The following TENM2 variants were observed in gnomAD, a reference collection of about 807,000 sequenced individuals.
TENM2 encodes the protein teneurin transmembrane protein 2.
In TENM2, 52 loss-of-function variants were observed where a neutral mutation model predicts 245.2. The ratio of observed to expected loss-of-function variants is 0.21; its 90% CI spans 0.17 to 0.27. TENM2 has a LOEUF of 0.27. TENM2 is among the 10% of genes least tolerant of loss of function. The pLI is 1.00. For missense variants in TENM2, 3,046 were observed against 3,666.8 expected (o/e 0.83, Z 4.37); for synonymous variants, 1,363 against 1,438.9 (o/e 0.95, Z 1.19).
At chr5:167,328,763 T>G (rs1757249206) in intron 1 of TENM2, among the ~76,000 whole-genome samples, 1 of 152,168 alleles carries the variant, frequency 6.6e-6, no homozygotes, top group Non-Finnish European at 1.5e-5. Context: ...AACAGTGAGG[T>G]CTTCCCTAGT....
intron 2 of TENM2, among the ~76,000 whole-genome samples, chr5:167,744,339 C>T (rs952777117): frequency 5.3e-5 from 8 of 152,214 alleles, no homozygotes; most frequent in Admixed American, 4.6e-4. Context: ...CATCTCTTAC[C>T]CACACAGTCT....
chr5:168,107,632 G>C (rs1030585892), intron 9 of TENM2, among the ~76,000 whole-genome samples: 1 of 152,104 alleles, frequency 6.6e-6, no homozygotes, highest in African/African-American at 2.4e-5. Flanking sequence ...TGATGTCCAA[G>C]GTCATCCACG....
At chr5:167,242,046 G>GTTTTTTTTTTTTTTTTT in the TENM2 span, among the ~76,000 whole-genome samples, 1 of 131,500 alleles carries the variant, frequency 7.6e-6, no homozygotes, top group African/African-American at 2.8e-5. Flanking sequence ...TTTGTTTTTT[G>GTTTTTTTTTTTTTTTTT]TTTTTTTTTT....
chr5:167,768,601 G>T (rs1329696996), intron 2 of TENM2, among the ~76,000 whole-genome samples: 1 of 152,122 alleles, frequency 6.6e-6, no homozygotes, highest in Non-Finnish European at 1.5e-5. Context: ...GTAGAGAGTG[G>T]TGGTGGGGAT....
the TENM2 span, among the ~76,000 whole-genome samples, chr5:167,223,146 A>G: frequency 2.1e-3 from 313 of 152,270 alleles, 2 homozygotes; most frequent in Middle Eastern, 6.8e-3. Context: ...AAGAGTGTCC[A>G]TCACCCAAGT....
chr5:167,085,686 G>T, the TENM2 span, among the ~76,000 whole-genome samples: 1 of 152,094 alleles, frequency 6.6e-6, no homozygotes, highest in Admixed American at 6.5e-5. Flanking sequence ...TCTTTATGAA[G>T]TTGTGTTTTA....
chr5:167,852,171 G>A (rs1480190910), intron 2 of TENM2, among the ~76,000 whole-genome samples: 1 of 152,178 alleles, frequency 6.6e-6, no homozygotes, highest in Non-Finnish European at 1.5e-5. Context: ...TTCAACGTTT[G>A]TAAGGTTTTC....
At position 167,511,504 on chromosome 5, in the gene TENM2, T is replaced by G. The variant is rs113218409; in HGVS notation, c.502+136031T>G. Among the ~76,000 whole-genome samples the G allele has an allele frequency of 4.4e-3, 677 of 152,304 alleles. 2 individuals carry two copies. The highest frequency in any genetic ancestry group is 0.015 in the African/African-American group (633 of 41,566). ...CCTACAGGATAGAAGAAATTTGCATTCTTTTGTCATACAAATAGTTGACTT... is the reference window on the plus strand; with the variant it reads ...CCTACAGGATAGAAGAAATTTGCATGCTTTTGTCATACAAATAGTTGACTT... On this transcript the variant is annotated intron_variant, in intron 2 of 28. Transcript: ENST00000518659.
chr5:167,835,030 G>C (rs1768862353), intron 2 of TENM2, among the ~76,000 whole-genome samples: 1 of 152,144 alleles, frequency 6.6e-6, no homozygotes, highest in African/African-American at 2.4e-5. Flanking sequence ...AAATATCTGG[G>C]TTCAAATCCT....
the TENM2 span, among the ~76,000 whole-genome samples, chr5:167,000,722 G>C: frequency 7.2e-5 from 11 of 152,108 alleles, no homozygotes; most frequent in African/African-American, 2.4e-4. Context: ...ACCTTGTACA[G>C]AGCTTGTTTT....
At chr5:166,986,392 A>AT in the TENM2 span, among the ~76,000 whole-genome samples, 2 of 151,890 alleles carry the variant, frequency 1.3e-5, no homozygotes, top group East Asian at 1.9e-4. Flanking sequence ...CTTATTTTGT[A>AT]TTTTTTTCCC....
intron 2 of TENM2, among the ~76,000 whole-genome samples, chr5:167,825,865 TA>T (rs201322387): frequency 0.079 from 10,573 of 133,946 alleles, 424 homozygotes; most frequent in Middle Eastern, 0.13. Context: ...TAATGATAAT[TA>T]AAAAAAAAAA....
At position 168,042,608 on chromosome 5, in the gene TENM2, G is replaced by A. The variant is rs114035455; in HGVS notation, c.1187-4819G>A. ...GTTGCTGGAGAATCCTCAGTTACTC[G>A]CAACGAACCCTGCTCCCTTTCTCGG... On this transcript the variant is annotated intron_variant, in intron 5 of 28. Transcript: ENST00000518659. Among the ~76,000 whole-genome samples the A allele has an allele frequency of 6.3e-3, 955 of 151,772 alleles. 8 individuals are homozygous for A. Among genetic ancestry groups the A allele is most frequent in the African/African-American group, 0.022 (913 of 41,362 alleles).
At chr5:167,705,981 ATATATATATATTTATTTATT>A (rs952465999) in intron 2 of TENM2, among the ~76,000 whole-genome samples, 4 of 106,606 alleles carry the variant, frequency 3.8e-5, no homozygotes, top group African/African-American at 1.7e-4. Context: ...ATATATATAT[ATATATATATATTTATTTATT>A]TATTTATTTA....
intron 2 of TENM2, among the ~76,000 whole-genome samples, chr5:167,487,042 A>G (rs1267142822): frequency 2.6e-5 from 4 of 151,694 alleles, no homozygotes; most frequent in Admixed American, 6.6e-5. Flanking sequence ...ACAGAATAAC[A>G]TATGAGATGG....
rs186016217 is a variant in TENM2, at chr5:167,488,369, A to G, written c.502+112896A>G. 5.3e-5 allele frequency among the ~76,000 whole-genome samples: 8 copies of G among 152,236 alleles called. No homozygotes were observed. The East Asian group carries it at 1.4e-3, about 26-fold the overall frequency. ...GAACCCACCCTTCCACCATTCCACCAAAAAGACTTTATCAAGGTTATTAAT... is the reference window on the plus strand; with the variant it reads ...GAACCCACCCTTCCACCATTCCACCGAAAAGACTTTATCAAGGTTATTAAT... On this transcript the variant is annotated intron_variant, in intron 2 of 28. Transcript: ENST00000518659.
At chr5:168,205,896 G>A (rs1161884946) in intron 19 of TENM2, among the ~76,000 whole-genome samples, 2 of 152,182 alleles carry the variant, frequency 1.3e-5, no homozygotes, top group Non-Finnish European at 2.9e-5. Flanking sequence ...CTGCAGGAGT[G>A]GAGGCAGGAA....
chr5:167,401,215 T>A (rs890893742), intron 2 of TENM2, among the ~76,000 whole-genome samples: 1 of 152,176 alleles, frequency 6.6e-6, no homozygotes, highest in Non-Finnish European at 1.5e-5. Flanking sequence ...ATGCCTCATA[T>A]ACAGTAGACA....
intron 1 of TENM2, among the ~76,000 whole-genome samples, chr5:167,369,508 T>A (rs1440181297): frequency 6.6e-6 from 1 of 152,170 alleles, no homozygotes; most frequent in African/African-American, 2.4e-5. Context: ...TCCCAAGCTT[T>A]ACAATCTAAT....
Sources: gnomAD v4.1 joint callset for allele counts (sites outside exome capture counted in the v4.1 genomes callset) on GRCh38, gnomAD v4.1.1 for gene constraint, MANE v1.5 for transcripts, NCBI Gene and HGNC (gene_info 2026-07-23, HGNC 2026-07-21) for gene names.